Variants in RGPD8 observed in about 807,000 individuals in gnomAD.
RGPD8 encodes RANBP2 like and GRIP domain containing 8, also known as RANBP2-like and GRIP domain-containing protein 8.
Under a neutral mutation model 89.1 loss-of-function variants are expected in RGPD8, and 15 were observed. The observed-to-expected ratio is 0.17, with a 90% CI of 0.11 to 0.26. The LOEUF is 0.26. Among genes scored for constraint, RGPD8 ranks in the 10% least tolerant of loss-of-function variants. The pLI, the probability that RGPD8 is intolerant of heterozygous loss-of-function variation, is 1.00. For missense variants in RGPD8, 178 were observed against 1,179.6 expected, an observed-to-expected ratio of 0.15 and a Z score of 12.44; for synonymous variants, 62 against 420.9, an observed-to-expected ratio of 0.15 and a Z score of 10.44.
intron 22 of RGPD8, among the ~76,000 whole-genome samples, chr2:112,371,365 T>C (rs1409396563): frequency 7.9e-5 from 3 of 38,114 alleles, no homozygotes; most frequent in African/African-American, 3.0e-4. Flanking sequence ...TCTGTCCTTA[T>C]AGTTCTGCTT....
intron 22 of RGPD8, among the ~76,000 whole-genome samples, chr2:112,370,795 G>C (rs1455469756): frequency 1.4e-5 from 2 of 147,890 alleles, no homozygotes; most frequent in African/African-American, 5.0e-5. Flanking sequence ...TAAGCAACAT[G>C]AAGCAATCTA....
intron 22 of RGPD8, among the ~76,000 whole-genome samples, chr2:112,370,958 A>C (rs1279768879): frequency 6.7e-6 from 1 of 150,044 alleles, no homozygotes; most frequent in African/African-American, 2.4e-5. Flanking sequence ...TTATGAATCA[A>C]TGTCTGTTCT....
At chr2:112,381,881 G>A (rs1160862505) in intron 20 of RGPD8, among the ~76,000 whole-genome samples, 3 of 152,290 alleles carry the variant, frequency 2.0e-5, no homozygotes, top group Non-Finnish European at 4.4e-5. Flanking sequence ...CATTTGGACA[G>A]TGTGATGGTT....
At chr2:112,408,816 C>G (rs1256746244) in intron 7 of RGPD8, among the ~76,000 whole-genome samples, 3 of 151,846 alleles carry the variant, frequency 2.0e-5, no homozygotes, top group African/African-American at 7.3e-5. Context: ...GGACTACAGG[C>G]ACCCGCCACC....
Position 112,422,635 on chromosome 2 carries a change from C to T in RGPD8, c.165G>A (p.Val55=), listed in dbSNP as rs1335722491. ...TGTGAGCTTTGGGATCCCTCTCTTGCACATTAATGTAAGTACATATGTATC... is the reference window on the plus strand; with the variant it reads ...TGTGAGCTTTGGGATCCCTCTCTTGTACATTAATGTAAGTACATATGTATC... ...AKKYICTYIN[V]QERDPKAHRF... is the part of the protein sequence containing the mutation. The change falls in exon 3 of 23, where the codon GTG becomes GTA. Residue 55 remains valine (V), a synonymous_variant. Coordinates refer to ENST00000302558, the MANE Select transcript of RGPD8 (RefSeq NM_001164463.1). 2.6e-5 allele frequency: 42 copies of T among 1,604,044 alleles called. 1 individual carries two copies. The highest frequency in any genetic ancestry group is 4.5e-4 in the Middle Eastern group (2 of 4,440).
rs2951217 is a variant in RGPD8, at chr2:112,408,820, C to G, written c.979-2436G>C. Among the ~76,000 whole-genome samples, 7 of 151,960 alleles carry G rather than the reference C, an allele frequency of 4.6e-5. No individual in the cohort carries two copies. In the East Asian group the frequency reaches 1.4e-3, roughly 29 times the overall value. ...TCAAGTAGCTGGGACTACAGGCACC[C>G]GCCACCATGCGTGGCTAATTTTTGT... On this transcript the variant is annotated intron_variant, in intron 7 of 22. Coordinates refer to ENST00000302558, the MANE Select transcript of RGPD8 (RefSeq NM_001164463.1).
chr2:112,433,457 G>C lies in RGPD8; in HGVS notation c.-4C>G. ...CATCGGCCTTGCTGCGCCTCATCGC[G>C]CCGCCAACCTGGCTCCCGAGACGCG... On this transcript the variant is annotated 5_prime_UTR_variant, in exon 1 of 23. Coordinates refer to ENST00000302558, the MANE Select transcript of RGPD8 (RefSeq NM_001164463.1). 1 of 1,607,044 alleles carries C rather than the reference G, an allele frequency of 6.2e-7. No individual in the cohort carries two copies. The highest frequency in any genetic ancestry group is 8.5e-7 in the Non-Finnish European group (1 of 1,177,926).
intron 6 of RGPD8, among the ~76,000 whole-genome samples, chr2:112,416,168 T>C (rs1181181814): frequency 2.0e-5 from 3 of 146,382 alleles, no homozygotes; most frequent in Admixed American, 6.7e-5. Flanking sequence ...TTAAGAAAAA[T>C]GTAAAAGGAA....
chr2:112,377,747 A>C (rs202188992), intron 22 of RGPD8, among the ~76,000 whole-genome samples: 441 of 123,290 alleles, frequency 3.6e-3, no homozygotes, highest in Admixed American at 9.0e-3. Flanking sequence ...GTAGAATTTA[A>C]AACAAAACCA....
rs531650404 is a variant in RGPD8, at chr2:112,425,876, G to A, written c.73-1569C>T. Among the ~76,000 whole-genome samples, 1,408 of 151,862 alleles carry A rather than the reference G, an allele frequency of 9.3e-3. 30 individuals carry two copies. The highest frequency in any genetic ancestry group is 0.033 in the African/African-American group (1,347 of 41,378). On this transcript the variant is annotated intron_variant, in intron 1 of 22. Coordinates refer to ENST00000302558, the MANE Select transcript of RGPD8 (RefSeq NM_001164463.1). ...CAAGACCCCAGTGAATGTCCAAAAC[G>A]ATGAATAGTACCAAACCAGGTTGCC...
intron 1 of RGPD8, chr2:112,432,435 G>C (rs1468542057): frequency 1.0e-6 from 1 of 977,208 alleles, no homozygotes; most frequent in African/African-American, 1.8e-5. Context: ...CCCTTACAAA[G>C]GGACAGCGAC....
intron 1 of RGPD8, among the ~76,000 whole-genome samples, chr2:112,428,227 C>T (rs1238693197): frequency 3.9e-5 from 6 of 152,242 alleles, no homozygotes; most frequent in Admixed American, 1.3e-4. Flanking sequence ...GTTTTAAAGA[C>T]ATACCATTAG....
chr2:112,410,543 C>T (rs1174113408), intron 7 of RGPD8, among the ~76,000 whole-genome samples: 16 of 151,828 alleles, frequency 1.1e-4, no homozygotes, highest in African/African-American at 3.4e-4. Flanking sequence ...TTTGAGAGGC[C>T]GAGTTGGGTG....
chr2:112,431,052 G>C (rs1680008586), intron 1 of RGPD8, among the ~76,000 whole-genome samples: 1 of 152,166 alleles, frequency 6.6e-6, no homozygotes, highest in Non-Finnish European at 1.5e-5. Context: ...AGGAGTTCAA[G>C]AACAGCCTGG....
At position 112,409,579 on chromosome 2, in the gene RGPD8, T is replaced by A. The variant is rs1019706811; in HGVS notation, c.978+2852A>T. ...TGGGAGGGCAAGGCAGAAAGATCAC[T>A]TGAAGCCAGGAGTTCAAGACCAACC... On this transcript the variant is annotated intron_variant, in intron 7 of 22. Coordinates refer to ENST00000302558, the MANE Select transcript of RGPD8 (RefSeq NM_001164463.1). 3.9e-4 allele frequency among the ~76,000 whole-genome samples: 57 copies of A among 147,260 alleles called. 2 individuals are homozygous for A. The highest frequency in any genetic ancestry group is 4.9e-4 in the Non-Finnish European group (33 of 67,914).
intron 1 of RGPD8, among the ~76,000 whole-genome samples, chr2:112,425,319 G>A (rs1182530969): frequency 6.7e-6 from 1 of 149,082 alleles, no homozygotes; most frequent in South Asian, 2.1e-4. Flanking sequence ...AGGATTCCCG[G>A]GTCCATGTAC....
At chr2:112,413,386 G>A (rs1679263011) in intron 6 of RGPD8, among the ~76,000 whole-genome samples, 2 of 119,794 alleles carry the variant, frequency 1.7e-5, no homozygotes, top group Admixed American at 8.4e-5. Flanking sequence ...GTTTACCAAT[G>A]TGCTGGGATT....
chr2:112,431,832 G>C (rs1214956764), intron 1 of RGPD8, among the ~76,000 whole-genome samples: 1 of 152,124 alleles, frequency 6.6e-6, no homozygotes, highest in Admixed American at 6.5e-5. Flanking sequence ...TAGAGACAAG[G>C]TTTCAACATG....
In RGPD8 at chr2:112,433,484, G is replaced by A. The variant is rs1190293838; in HGVS notation, c.-31C>T. The A allele has an allele frequency of 1.3e-6, 2 of 1,598,056 alleles. No individual in the cohort carries two copies. Among genetic ancestry groups the A allele is most frequent in the Non-Finnish European group, 1.7e-6 (2 of 1,172,546 alleles). On this transcript the variant is annotated 5_prime_UTR_variant, in exon 1 of 23. Coordinates refer to ENST00000302558, the MANE Select transcript of RGPD8 (RefSeq NM_001164463.1). ...CGCCAACCTGGCTCCCGAGACGCGT[G>A]CGAGCACCGCTCAGCCCCGCAGCAG... is the stretch of plus-strand genomic sequence containing the variant.
Sources: allele counts gnomAD v4.1 joint callset (sites outside exome capture counted in the v4.1 genomes callset), GRCh38; gene constraint gnomAD v4.1.1; transcripts MANE v1.5; gene names NCBI Gene and HGNC (gene_info 2026-07-23, HGNC 2026-07-21).